The following RBM47 variants were observed in gnomAD, a reference collection of about 807,000 sequenced individuals.
RBM47 encodes the protein RNA-binding protein 47.
RBM47 carries 21 observed loss-of-function variants against 47.1 expected under a neutral mutation model. That is an observed-to-expected ratio of 0.45 (90% CI 0.32 to 0.64). RBM47 has a LOEUF of 0.64. Ranked by LOEUF, RBM47 falls within the 30% of genes least tolerant of loss-of-function variation. The pLI is 0.05. For missense variants in RBM47, 708 were observed against 870.9 expected, an observed-to-expected ratio of 0.81 and a Z score of 2.35; for synonymous variants, 375 against 361.7, an observed-to-expected ratio of 1.04 and a Z score of -0.42.
intron 2 of RBM47, among the ~76,000 whole-genome samples, chr4:40,485,941 T>C (rs1167796277): frequency 4.0e-5 from 6 of 150,260 alleles, no homozygotes; most frequent in Non-Finnish European, 5.9e-5. Flanking sequence ...CATGGTGGCA[T>C]GCGCCTGTAG....
intron 1 of RBM47, among the ~76,000 whole-genome samples, chr4:40,576,100 ATCTTTCCTCACCTCCTCCTGGGG>A (rs1732275957): frequency 6.6e-6 from 1 of 152,188 alleles, no homozygotes; most frequent in Non-Finnish European, 1.5e-5. Flanking sequence ...GCTAAGAGGC[ATCTTTCCTCACCTCCTCCTGGGG>A]CAGTGCCCCA....
chr4:40,537,297 G>A (rs1010971714), intron 2 of RBM47, among the ~76,000 whole-genome samples: 1 of 150,810 alleles, frequency 6.6e-6, no homozygotes, highest in Non-Finnish European at 1.5e-5. Flanking sequence ...TCTTAAGACA[G>A]CATCTCTCTC....
At chr4:40,621,069 G>A (rs1450746609) in intron 1 of RBM47, among the ~76,000 whole-genome samples, 1 of 151,404 alleles carries the variant, frequency 6.6e-6, no homozygotes, top group Admixed American at 6.6e-5. Flanking sequence ...ACTGACAATA[G>A]TCAGAAATAA....
intron 1 of RBM47, among the ~76,000 whole-genome samples, chr4:40,629,166 T>C (rs933064907): frequency 3.9e-5 from 6 of 152,160 alleles, no homozygotes; most frequent in African/African-American, 1.4e-4. Context: ...GGAAACACGA[T>C]GGGACTGACT....
intron 3 of RBM47, among the ~76,000 whole-genome samples, chr4:40,450,786 C>T (rs2154219272): frequency 6.6e-6 from 1 of 151,948 alleles, no homozygotes. Flanking sequence ...TCATAACATC[C>T]CTGTCCTCTA....
chr4:40,565,925 C>T (rs1160298605), intron 1 of RBM47, among the ~76,000 whole-genome samples: 2 of 151,706 alleles, frequency 1.3e-5, no homozygotes, highest in Admixed American at 1.3e-4. Context: ...AAAACTAGCC[C>T]GGCGCGGTGG....
intron 2 of RBM47, among the ~76,000 whole-genome samples, chr4:40,534,946 A>T (rs1430156792): frequency 6.6e-6 from 1 of 151,894 alleles, no homozygotes; most frequent in East Asian, 1.9e-4. Context: ...GAAAAAAAAA[A>T]AAAAAAAAAT....
At chr4:40,564,900 G>A (rs1379962095) in intron 1 of RBM47, among the ~76,000 whole-genome samples, 2 of 152,202 alleles carry the variant, frequency 1.3e-5, no homozygotes, top group African/African-American at 4.8e-5. Flanking sequence ...TCAGTGGGAG[G>A]AAGGGGCAGA....
Position 40,438,115 on chromosome 4 carries a change from T to C in RBM47, c.779A>G (p.Asp260Gly), listed in dbSNP as rs749258342. Residue 260 changes from aspartate to glycine, a missense_variant, in exon 4 of 7, where the codon GAC becomes GGC. Transcript: ENST00000295971. ...VRNLMIETTE[D>G]TIKKSFGQFN... ...CTGGCCGAAGCTCTTCTTGATGGTG[T>C]CCTCGGTGGTCTCGATCATGAGGTT... is the stretch of plus-strand genomic sequence containing the variant. 1 of 1,613,500 alleles carries C rather than the reference T, an allele frequency of 6.2e-7. No homozygotes were observed. Among genetic ancestry groups the C allele is most frequent in the Non-Finnish European group, 8.5e-7 (1 of 1,180,014 alleles).
At chr4:40,519,352 C>A (rs952395689) in intron 2 of RBM47, among the ~76,000 whole-genome samples, 4 of 132,000 alleles carry the variant, frequency 3.0e-5, no homozygotes, top group Non-Finnish European at 4.6e-5. Flanking sequence ...GGCTGGAGTG[C>A]AATGGAACGA....
chr4:40,617,319 A>G (rs11731884), intron 1 of RBM47, among the ~76,000 whole-genome samples: 106,763 of 151,914 alleles, frequency 0.7, 37,879 homozygotes, highest in African/African-American at 0.77. Context: ...AACACTTTAG[A>G]AGGCCGAGGC....
intron 1 of RBM47, among the ~76,000 whole-genome samples, chr4:40,592,701 G>C (rs1300762562): frequency 6.6e-6 from 1 of 151,028 alleles, no homozygotes. Context: ...TGGGATTACA[G>C]GCATGAGCCA....
chr4:40,430,198 AAAC>A (rs1715740683), intron 6 of RBM47, among the ~76,000 whole-genome samples: 2 of 98,526 alleles, frequency 2.0e-5, no homozygotes, highest in Admixed American at 2.3e-4. Context: ...CCGTCGCAAA[AAAC>A]AAACAAACAA....
chr4:40,529,872 A>ATAAATAAG lies in RBM47; in HGVS notation c.-155+14549_-155+14550insCTTATTTA, dbSNP rs1553896960. ...AATAAATAAATAAATAAATAAATAA[A>ATAAATAAG]TAAATATTAAAATAAAAGTAAATAA... is the stretch of plus-strand genomic sequence containing the variant. On this transcript the variant is annotated intron_variant, in intron 2 of 6. Coordinates refer to ENST00000295971, the MANE Select transcript of RBM47 (RefSeq NM_001098634.2). Among the ~76,000 whole-genome samples the ATAAATAAG allele has an allele frequency of 3.7e-3, 544 of 146,798 alleles. 1 individual carries two copies. Among genetic ancestry groups the ATAAATAAG allele is most frequent in the African/African-American group, 0.012 (498 of 40,100 alleles).
intron 3 of RBM47, among the ~76,000 whole-genome samples, chr4:40,465,280 G>T (rs1187961099): frequency 6.6e-6 from 1 of 152,146 alleles, no homozygotes; most frequent in Non-Finnish European, 1.5e-5. Flanking sequence ...CAAGGTCAGG[G>T]TGAAGCTAAT....
intron 1 of RBM47, among the ~76,000 whole-genome samples, chr4:40,545,884 A>G (rs1729000065): frequency 6.6e-6 from 1 of 152,004 alleles, no homozygotes; most frequent in Admixed American, 6.6e-5. Context: ...TGGGCCTAAT[A>G]GTACCCATTT....
chr4:40,606,357 G>A (rs73134467), intron 1 of RBM47, among the ~76,000 whole-genome samples: 7,090 of 151,764 alleles, frequency 0.047, 531 homozygotes, highest in African/African-American at 0.16. Flanking sequence ...ATGTGGTCTC[G>A]GTAAGAAAAA....
At chr4:40,568,118 CA>C (rs111567208) in intron 1 of RBM47, among the ~76,000 whole-genome samples, 4,111 of 149,762 alleles carry the variant, frequency 0.027, 210 homozygotes, top group African/African-American at 0.095. Context: ...GTCTCAAAAA[CA>C]AAAAAAAAGT....
chr4:40,504,944 ATTG>A (rs373935921), intron 2 of RBM47, among the ~76,000 whole-genome samples: 300 of 152,334 alleles, frequency 2.0e-3, no homozygotes, highest in Middle Eastern at 0.01. Flanking sequence ...AAGACAAAAA[ATTG>A]TTGTTTGTAT....
Sources: allele counts gnomAD v4.1 joint callset (sites outside exome capture counted in the v4.1 genomes callset), GRCh38; gene constraint gnomAD v4.1.1; transcripts MANE v1.5; gene names NCBI Gene and HGNC (gene_info 2026-07-23, HGNC 2026-07-21).